The following HTR2C variants were observed in gnomAD, a reference collection of about 807,000 sequenced individuals.
HTR2C encodes the protein 5-hydroxytryptamine (serotonin) receptor 2C, G protein-coupled.
HTR2C carries 5 observed loss-of-function variants against 21.0 expected under a neutral mutation model. The ratio of observed to expected loss-of-function variants is 0.24; its 90% CI spans 0.12 to 0.50. The LOEUF is 0.50. Ranked by LOEUF, HTR2C falls within the 20% of genes least tolerant of loss-of-function variation. The pLI, the probability that HTR2C is intolerant of heterozygous loss-of-function variation, is 0.98. For missense variants in HTR2C, 271 were observed against 371.2 expected, an observed-to-expected ratio of 0.73 and a Z score of 2.22; for synonymous variants, 150 against 145.3, an observed-to-expected ratio of 1.03 and a Z score of -0.23.
At chrX:114,770,171 A>T (rs930426364) in intron 4 of HTR2C, among the ~76,000 whole-genome samples, 1 of 111,808 alleles carries the variant, frequency 8.9e-6, no homozygotes, top group Non-Finnish European at 1.9e-5. Flanking sequence ...CAACTATTTG[A>T]CTATGAAGTA....
chrX:114,836,427 G>C (rs987854378), intron 4 of HTR2C, among the ~76,000 whole-genome samples: 10 of 112,533 alleles, frequency 8.9e-5, no homozygotes, highest in African/African-American at 2.9e-4. Flanking sequence ...TTTTTAAGCC[G>C]GTCGGAAAAG....
chrX:114,856,478 G>C (rs2070963320), intron 5 of HTR2C, among the ~76,000 whole-genome samples: 1 of 100,405 alleles, frequency 1.0e-5, no homozygotes, highest in Non-Finnish European at 2.0e-5. Flanking sequence ...CTACTTTAAA[G>C]TTCATATGGA....
At chrX:114,665,670 TATTC>T (rs1324591308) in intron 2 of HTR2C, among the ~76,000 whole-genome samples, 1 of 111,914 alleles carries the variant, frequency 8.9e-6, no homozygotes, top group African/African-American at 3.2e-5. Flanking sequence ...ATATATTTGC[TATTC>T]ATTAAGTGGA....
At chrX:114,787,819 C>T (rs1430122541) in intron 4 of HTR2C, among the ~76,000 whole-genome samples, 1 of 109,078 alleles carries the variant, frequency 9.2e-6, no homozygotes, top group Non-Finnish European at 1.9e-5. Flanking sequence ...TGGTGGCAGG[C>T]GCCTGTAGTC....
chrX:114,882,528 A>G (rs1346142136), intron 5 of HTR2C, among the ~76,000 whole-genome samples: 2 of 110,719 alleles, frequency 1.8e-5, no homozygotes, highest in African/African-American at 6.5e-5. Flanking sequence ...TTCTATGTTG[A>G]GGAGTGACTT....
At chrX:114,644,355 A>C (rs1324210745) in intron 2 of HTR2C, among the ~76,000 whole-genome samples, 12 of 20,035 alleles carry the variant, frequency 6.0e-4, no homozygotes, top group Non-Finnish European at 1.0e-3. Flanking sequence ...AAATAAATAA[A>C]TAAATAAATA....
At chrX:114,760,077 C>T (rs1198118706) in intron 4 of HTR2C, among the ~76,000 whole-genome samples, 6 of 111,515 alleles carry the variant, frequency 5.4e-5, no homozygotes, top group South Asian at 3.7e-4. Context: ...CAGATATATT[C>T]GGAGTAAGGA....
intron 4 of HTR2C, among the ~76,000 whole-genome samples, chrX:114,827,642 T>G (rs2070689207): frequency 9.0e-6 from 1 of 111,185 alleles, no homozygotes; most frequent in South Asian, 3.7e-4. Flanking sequence ...TCCTTTAACA[T>G]TTTTAGACCA....
chrX:114,882,532 G>A (rs1302391931), intron 5 of HTR2C, among the ~76,000 whole-genome samples: 1 of 110,829 alleles, frequency 9.0e-6, no homozygotes, highest in Non-Finnish European at 1.9e-5. Context: ...ATGTTGAGGA[G>A]TGACTTTTAT....
chrX:114,768,173 A>T (rs1556435874), intron 4 of HTR2C, among the ~76,000 whole-genome samples: 1 of 111,054 alleles, frequency 9.0e-6, no homozygotes, highest in African/African-American at 3.2e-5. Flanking sequence ...GTAATGTTAT[A>T]TTAGTATTTT....
intron 5 of HTR2C, among the ~76,000 whole-genome samples, chrX:114,857,886 C>T (rs1305471853): frequency 9.0e-6 from 1 of 111,033 alleles, no homozygotes; most frequent in Non-Finnish European, 1.9e-5. Context: ...TTAATGTATA[C>T]GTCTGATGCG....
chrX:114,831,445 C>T (rs1232963776), intron 4 of HTR2C, among the ~76,000 whole-genome samples: 1 of 98,067 alleles, frequency 1.0e-5, no homozygotes, highest in Non-Finnish European at 2.1e-5. Context: ...TCTCTGATGG[C>T]CAGTGATGAT....
At chrX:114,695,288 T>G in intron 2 of HTR2C, among the ~76,000 whole-genome samples, 1 of 111,795 alleles carries the variant, frequency 8.9e-6, no homozygotes, top group East Asian at 2.8e-4. Context: ...TAGCGTTGGG[T>G]TTTCTTGTTT....
chrX:114,584,654 C>T lies in HTR2C; in HGVS notation c.-152C>T, dbSNP rs996499710. On this transcript the variant is annotated 5_prime_UTR_variant, in exon 1 of 6. Coordinates refer to ENST00000276198, the MANE Select transcript of HTR2C (RefSeq NM_000868.4). ...CGCTGCCTGGTCTTCCTCCCGGACG[C>T]TAGTGGTAAGTTGGAGCCCCGGGCG... The T allele has an allele frequency of 8.9e-6, 1 of 112,254 alleles. No individual in the cohort carries two copies. Among genetic ancestry groups the T allele is most frequent in the African/African-American group, 3.2e-5 (1 of 30,870 alleles). The allele number at this position is 112,254 out of a possible 1,213,427, so 9.3% of individuals were successfully genotyped here.
intron 4 of HTR2C, among the ~76,000 whole-genome samples, chrX:114,824,563 G>T (rs782300699): frequency 1.0e-3 from 116 of 112,137 alleles, no homozygotes; most frequent in Non-Finnish European, 1.9e-3. Flanking sequence ...ACAAACTTGA[G>T]TTGTATCCTG....
intron 4 of HTR2C, among the ~76,000 whole-genome samples, chrX:114,764,915 CTTT>C (rs1569492251): frequency 7.9e-5 from 5 of 63,644 alleles, no homozygotes; most frequent in African/African-American, 2.4e-4. Context: ...TTCTTTCTTT[CTTT>C]CTTTCTTTTC....
At chrX:114,865,413 G>C (rs1467298270) in intron 5 of HTR2C, among the ~76,000 whole-genome samples, 1 of 111,533 alleles carries the variant, frequency 9.0e-6, no homozygotes, top group South Asian at 3.7e-4. Context: ...AGAATGGCAG[G>C]GCTTGTACAA....
intron 5 of HTR2C, among the ~76,000 whole-genome samples, chrX:114,900,990 C>T (rs1439457730): frequency 1.8e-5 from 2 of 112,185 alleles, no homozygotes; most frequent in African/African-American, 6.5e-5. Context: ...ACTCATTTTG[C>T]AAATTTTGCT....
chrX:114,780,494 G>A (rs1420955927), intron 4 of HTR2C, among the ~76,000 whole-genome samples: 1 of 111,482 alleles, frequency 9.0e-6, no homozygotes, highest in Non-Finnish European at 1.9e-5. Flanking sequence ...ACCCTAAAGA[G>A]CTATACCATA....
Sources: allele counts gnomAD v4.1 joint callset (sites outside exome capture counted in the v4.1 genomes callset), GRCh38; gene constraint gnomAD v4.1.1; transcripts MANE v1.5; gene names NCBI Gene and HGNC (gene_info 2026-07-23, HGNC 2026-07-21).